HELZ: variants seen among roughly 807,000 people sequenced by gnomAD.
HELZ encodes helicase with zinc finger.
In HELZ, 23 loss-of-function variants were observed where a neutral mutation model predicts 218.2. The ratio of observed to expected loss-of-function variants is 0.11; its 90% CI spans 0.08 to 0.15. The LOEUF (loss-of-function observed/expected upper bound fraction) is 0.15, where lower values mean the gene tolerates loss of function less well. Among genes scored for constraint, HELZ ranks in the 10% least tolerant of loss-of-function variants. The pLI is 1.00. For missense variants in HELZ, 1,813 were observed against 2,353.7 expected (o/e 0.77, Z 4.75); for synonymous variants, 814 against 829.4 (o/e 0.98, Z 0.32).
At chr17:67,196,610 A>G (rs2040037878) in intron 7 of HELZ, among the ~76,000 whole-genome samples, 1 of 132,796 alleles carries the variant, frequency 7.5e-6, no homozygotes, top group Non-Finnish European at 1.6e-5. Flanking sequence ...GGATGGGTGC[A>G]TGGGTGGGTG....
chr17:67,092,174 T>C (rs949164008), intron 31 of HELZ, among the ~76,000 whole-genome samples: 5 of 152,140 alleles, frequency 3.3e-5, no homozygotes, highest in Admixed American at 6.5e-5. Context: ...CAGTTAATGG[T>C]GGCAACTGGC....
chr17:67,182,875 G>A (rs2039652329), intron 12 of HELZ, among the ~76,000 whole-genome samples: 1 of 152,162 alleles, frequency 6.6e-6, no homozygotes, highest in South Asian at 2.1e-4. Flanking sequence ...TCGTCTTGAA[G>A]TATATAGTAT....
At chr17:67,159,024 G>A (rs2038923624) in intron 17 of HELZ, among the ~76,000 whole-genome samples, 1 of 152,036 alleles carries the variant, frequency 6.6e-6, no homozygotes, top group Non-Finnish European at 1.5e-5. Flanking sequence ...ACACACACAT[G>A]CTCACTCTAC....
Position 67,108,707 on chromosome 17 carries a change from G to A in HELZ, c.4509C>T (p.Val1503=), listed in dbSNP as rs375916130. Residue 1503 remains valine, a synonymous_variant, in exon 30 of 33, where the codon GTC becomes GTT. Coordinates refer to ENST00000358691, the MANE Select transcript of HELZ (RefSeq NM_014877.4). This position sits in a 1 kb window ranked among gnomAD's most constrained non-coding sequence, Gnocchi z 4.1. ...GCTGCTGCCTTAATGTTTCCAGAGC[G>A]ACACTCCCATGTATACGATCTGCAA... The part of the protein sequence containing the change: ...GEALDRIHGS[V]ALETLRQQQA... 73 of 1,610,458 alleles carry A rather than the reference G, an allele frequency of 4.5e-5. No individual in the cohort carries two copies. Among genetic ancestry groups the A allele is most frequent in the East Asian group, 2.0e-4 (9 of 44,770 alleles).
rs1239138806 is a variant in HELZ, at chr17:67,149,944, T to C, written c.2398A>G (p.Met800Val). 1.2e-6 allele frequency: 2 copies of C among 1,611,094 alleles called. No homozygotes were observed. The highest frequency in any genetic ancestry group is 1.7e-5 in the Admixed American group (1 of 59,746). ...HILLDEAAQAMECETIMPLAL... is the reference protein window; with the variant it reads ...HILLDEAAQAVECETIMPLAL... ...AGAGGCATAATGGTTTCACACTCCA[T>C]GGCCTGGGCAGCTTCATCTAATAGA... is the stretch of plus-strand genomic sequence containing the variant. Residue 800 changes from methionine to valine, a missense_variant, in exon 19 of 33, where the codon ATG becomes GTG. By Grantham distance (21) the Met-to-Val change is conservative. This residue lies in a region of HELZ where 714 missense variants were observed against 1,029.2 expected (regional missense o/e 0.69). Transcript: ENST00000358691.
intron 5 of HELZ, among the ~76,000 whole-genome samples, chr17:67,207,265 G>A (rs1312460440): frequency 5.2e-5 from 7 of 133,640 alleles, no homozygotes; most frequent in Non-Finnish European, 9.2e-5. Context: ...TTGTTGCCCA[G>A]GCTGGAGTGC....
chr17:67,224,250 T>G (rs975459442), intron 3 of HELZ: 7 of 155,720 alleles, frequency 4.5e-5, no homozygotes, highest in Admixed American at 2.5e-4. Flanking sequence ...CAGCTGAATC[T>G]AAATTCTGAG....
upstream of HELZ, chr17:67,245,823 T>A (rs1428103105): frequency 1.3e-5 from 2 of 152,122 alleles, no homozygotes; most frequent in African/African-American, 2.4e-5. Context: ...ACCCCTTGTT[T>A]ACTCTGTGTC....
At chr17:67,150,991 C>A in intron 18 of HELZ, 55 bp downstream of exon 18, 3 of 1,514,170 alleles carry the variant, frequency 2.0e-6, no homozygotes, top group South Asian at 2.4e-5. Flanking sequence ...CAATCCCAGT[C>A]TAAACTGAAT....
chr17:67,089,397 T>C (rs2143605265), intron 31 of HELZ, among the ~76,000 whole-genome samples: 1 of 152,098 alleles, frequency 6.6e-6, no homozygotes, highest in East Asian at 1.9e-4. Flanking sequence ...AATTAAACTT[T>C]ACAGAAAATT....
intron 3 of HELZ, among the ~76,000 whole-genome samples, chr17:67,220,837 T>C (rs180821633): frequency 2.0e-5 from 3 of 147,374 alleles, no homozygotes; most frequent in Admixed American, 2.0e-4. Context: ...TTAATTGTGT[T>C]ATTAAGATAA....
At chr17:67,218,121 G>A (rs776310023) in intron 4 of HELZ, among the ~76,000 whole-genome samples, 2 of 151,876 alleles carry the variant, frequency 1.3e-5, no homozygotes, top group African/African-American at 2.4e-5. Flanking sequence ...TTTTAGTAGA[G>A]ACAGGGTTTC....
rs1475667270 is a variant in HELZ at position 67,078,355 on chromosome 17, G to T, written c.5726C>A (p.Pro1909His). ...ALRAPPKPRP[P>H]PEQAKKSSDP... ...GCTACTCTTCTTGGCCTGCTCAGGA[G>T]GGGGCCTGGGCTTTGGAGGGGCCCG... Residue 1909 changes from proline to histidine, a missense_variant, in exon 33 of 33, where the codon CCT (proline) becomes CAT (histidine). Coordinates refer to ENST00000358691, the MANE Select transcript of HELZ (RefSeq NM_014877.4). 2 of 1,613,692 alleles carry T rather than the reference G, an allele frequency of 1.2e-6. No homozygotes were observed. The highest frequency in any genetic ancestry group is 8.5e-7 in the Non-Finnish European group (1 of 1,179,838).
intron 3 of HELZ, among the ~76,000 whole-genome samples, chr17:67,222,147 A>C (rs1482442031): frequency 6.6e-6 from 1 of 152,128 alleles, no homozygotes. Context: ...AGCCTACATA[A>C]AGCTGAAATC....
At chr17:67,178,159 T>C (rs1428214787) in intron 13 of HELZ, among the ~76,000 whole-genome samples, 1 of 152,234 alleles carries the variant, frequency 6.6e-6, no homozygotes, top group Non-Finnish European at 1.5e-5. Context: ...GGTCTTAACC[T>C]GTGGCATATG....
intron 20 of HELZ, 61 bp from the exon 21 acceptor site, chr17:67,145,951 T>C: frequency 4.9e-6 from 7 of 1,435,458 alleles, no homozygotes; most frequent in South Asian, 1.3e-5. Flanking sequence ...ATTTCACCCA[T>C]AAGAAAAAAA....
chr17:67,225,851 A>C (rs1218365197), intron 3 of HELZ, among the ~76,000 whole-genome samples: 1 of 152,250 alleles, frequency 6.6e-6, no homozygotes, highest in Non-Finnish European at 1.5e-5. Flanking sequence ...AATTTTATCA[A>C]AATTAAACAT....
chr17:67,231,024 T>C (rs550179540), intron 3 of HELZ, among the ~76,000 whole-genome samples: 1 of 152,298 alleles, frequency 6.6e-6, no homozygotes, highest in Non-Finnish European at 1.5e-5. Flanking sequence ...TTGAATATTT[T>C]GCATAAGAAA....
At chr17:67,245,267 GGCGCCGCCCCCTCCGGCC>G (rs2041452700), upstream of HELZ, 1 of 941,374 alleles carries the variant, frequency 1.1e-6, no homozygotes, top group African/African-American at 1.9e-5. Context: ...TCCCGCCGCC[GGCGCCGCCCCCTCCGGCC>G]GCGCCTCCCG....
Sources: allele counts gnomAD v4.1 joint callset (sites outside exome capture counted in the v4.1 genomes callset), GRCh38; gene constraint gnomAD v4.1.1; regional missense constraint gnomAD v4.1.1; non-coding constraint Gnocchi (gnomAD v3.1); transcripts MANE v1.5; gene names NCBI Gene and HGNC (gene_info 2026-07-23, HGNC 2026-07-21).